IGFBPL1: variants seen among roughly 807,000 people sequenced by gnomAD.
IGFBPL1 encodes insulin-like growth factor-binding protein-like 1.
Under a neutral mutation model 23.9 loss-of-function variants are expected in IGFBPL1, and 20 were observed. The ratio of observed to expected loss-of-function variants is 0.84; its 90% CI spans 0.59 to 1.22. The LOEUF (loss-of-function observed/expected upper bound fraction) is 1.22. IGFBPL1 is among the 50% of genes most tolerant of loss of function. The pLI is 0.00. For synonymous variants in IGFBPL1, 184 were observed against 171.8 expected (o/e 1.07, Z -0.56); for missense variants, 436 against 379.3 (o/e 1.15, Z -1.24).
At position 38,411,431 on chromosome 9, in the gene IGFBPL1, A is replaced by G; in HGVS notation, c.806T>C (p.Phe269Ser). The G allele has an allele frequency of 6.2e-7, 1 of 1,613,734 alleles. No homozygotes were observed. The highest frequency in any genetic ancestry group is 8.5e-7 in the Non-Finnish European group (1 of 1,179,870). ...GCGGTCATCGGGAGCTGGGAAGTGG[A>G]AGCTCCTGTATTTACTCAGATCTAG... Reference protein sequence around the residue: ...TVLDLSKYRSFHFPAPDDRM With the variant: ...TVLDLSKYRSSHFPAPDDRM Residue 269 changes from phenylalanine (F) to serine (S), a missense_variant, in exon 4 of 5, where the codon TTC becomes TCC. Transcript: ENST00000377694.
intron 1 of IGFBPL1, among the ~76,000 whole-genome samples, chr9:38,418,838 C>A (rs1821634868): frequency 6.6e-6 from 1 of 152,076 alleles, no homozygotes; most frequent in South Asian, 2.1e-4. Context: ...TGCACATGGT[C>A]ACAGGAGGCA....
chr9:38,421,900 G>A (rs578037388), intron 1 of IGFBPL1, among the ~76,000 whole-genome samples: 1 of 152,338 alleles, frequency 6.6e-6, no homozygotes, highest in East Asian at 1.9e-4. Context: ...GGGGAGGCCT[G>A]ACGCCTGTCA....
Sources: gnomAD v4.1 joint callset for allele counts (sites outside exome capture counted in the v4.1 genomes callset) on GRCh38, gnomAD v4.1.1 for gene constraint, MANE v1.5 for transcripts, NCBI Gene and HGNC (gene_info 2026-07-23, HGNC 2026-07-21) for gene names.